BBX: variants seen among roughly 807,000 people sequenced by gnomAD.
BBX encodes the protein BBX high mobility group box domain containing, also known as HMG box transcription factor BBX.
BBX carries 30 observed loss-of-function variants against 100.2 expected under a neutral mutation model. That is an observed-to-expected ratio of 0.30 (90% CI 0.22 to 0.41). The LOEUF (loss-of-function observed/expected upper bound fraction) is 0.41. Ranked by LOEUF, BBX falls within the 10% of genes least tolerant of loss-of-function variation. The pLI is 1.00. For missense variants in BBX, 1,023 were observed against 1,129.8 expected, an observed-to-expected ratio of 0.91 and a Z score of 1.35; for synonymous variants, 376 against 388.1, an observed-to-expected ratio of 0.97 and a Z score of 0.37.
chr3:107,589,522 C>A (rs904537323), intron 2 of BBX, among the ~76,000 whole-genome samples: 1 of 152,132 alleles, frequency 6.6e-6, no homozygotes, highest in Non-Finnish European at 1.5e-5. Flanking sequence ...GAGAAATGAC[C>A]ACTGCTTTCA....
intron 2 of BBX, among the ~76,000 whole-genome samples, chr3:107,576,714 C>T (rs547024497): frequency 3.6e-5 from 5 of 139,246 alleles, no homozygotes; most frequent in South Asian, 2.1e-4. Context: ...ATTGATTGAT[C>T]TATCTATCTA....
chr3:107,572,242 T>TA (rs1237464926), intron 2 of BBX, among the ~76,000 whole-genome samples: 1 of 152,244 alleles, frequency 6.6e-6, no homozygotes, highest in African/African-American at 2.4e-5. Flanking sequence ...TCCCGTCTGC[T>TA]ATATTCACGT....
intron 2 of BBX, among the ~76,000 whole-genome samples, chr3:107,553,063 T>G (rs2049820158): frequency 6.6e-6 from 1 of 152,228 alleles, no homozygotes; most frequent in Non-Finnish European, 1.5e-5. Context: ...GCTAAGGATC[T>G]GCTAAATTTG....
chr3:107,791,342 G>A, intron 15 of BBX, 43 bp downstream of exon 15: 2 of 1,532,600 alleles, frequency 1.3e-6, no homozygotes, highest in Non-Finnish European at 1.8e-6. Flanking sequence ...ATCGGAGCTG[G>A]AAATGACATA....
chr3:107,577,198 A>T (rs2051852708), intron 2 of BBX, among the ~76,000 whole-genome samples: 1 of 152,168 alleles, frequency 6.6e-6, no homozygotes, highest in African/African-American at 2.4e-5. Context: ...TGTAAAGCAC[A>T]TAAAATTTGT....
chr3:107,654,651 A>C (rs1172890538), intron 3 of BBX, among the ~76,000 whole-genome samples: 2 of 152,174 alleles, frequency 1.3e-5, no homozygotes, highest in Non-Finnish European at 2.9e-5. Flanking sequence ...AGACAGATCT[A>C]AATGGATCAC....
At chr3:107,594,743 A>G (rs779919218) in intron 2 of BBX, among the ~76,000 whole-genome samples, 1 of 152,222 alleles carries the variant, frequency 6.6e-6, no homozygotes, top group African/African-American at 2.4e-5. Flanking sequence ...ATATAATAAT[A>G]GCTTAAAAAC....
chr3:107,749,849 G>T (rs2064934527), intron 9 of BBX, among the ~76,000 whole-genome samples: 1 of 152,098 alleles, frequency 6.6e-6, no homozygotes, highest in South Asian at 2.1e-4. Context: ...GGCCAGGCTG[G>T]TCACGAACTC....
chr3:107,665,802 C>T (rs949357047), intron 3 of BBX, among the ~76,000 whole-genome samples: 2 of 152,300 alleles, frequency 1.3e-5, no homozygotes, highest in African/African-American at 4.8e-5. Flanking sequence ...CATGTCTTTT[C>T]TCACACTCTA....
chr3:107,553,869 A>G lies in BBX; in HGVS notation c.-84+27471A>G, dbSNP rs566381866. 1.6e-4 allele frequency among the ~76,000 whole-genome samples: 24 copies of G among 152,216 alleles called. No homozygotes were observed. In the South Asian group the frequency reaches 4.6e-3, roughly 29 times the overall value. On this transcript the variant is annotated intron_variant, in intron 2 of 17. Coordinates refer to ENST00000325805, the MANE Select transcript of BBX (RefSeq NM_001142568.3). ...GTTATTAGATCTTTAATTCCTGAGT[A>G]CTTATTTTCTAGATTTCTAACAATG... is the stretch of plus-strand genomic sequence containing the variant.
At chr3:107,729,001 G>A (rs771891733) in intron 6 of BBX, 41 bp downstream of exon 6, 2 of 1,581,918 alleles carry the variant, frequency 1.3e-6, no homozygotes, top group South Asian at 2.3e-5. Flanking sequence ...TTAAGGACAG[G>A]GCAATACATT....
intron 2 of BBX, among the ~76,000 whole-genome samples, chr3:107,541,287 A>T (rs1448600190): frequency 6.6e-6 from 1 of 152,180 alleles, no homozygotes; most frequent in Non-Finnish European, 1.5e-5. Context: ...TTGTCTAGAG[A>T]GCAGTGCAAA....
At chr3:107,523,858 C>T (rs1298122913) in intron 1 of BBX, among the ~76,000 whole-genome samples, 1 of 152,028 alleles carries the variant, frequency 6.6e-6, no homozygotes, top group Non-Finnish European at 1.5e-5. Flanking sequence ...GCCCTCTCAC[C>T]CCCCACCCCT....
intron 2 of BBX, among the ~76,000 whole-genome samples, chr3:107,534,251 A>G (rs1344989943): frequency 6.6e-6 from 1 of 152,202 alleles, no homozygotes; most frequent in East Asian, 1.9e-4. Context: ...TGATTCTTTT[A>G]ATATTAAAAA....
intron 5 of BBX, among the ~76,000 whole-genome samples, chr3:107,726,207 T>A (rs2107480987): frequency 6.6e-6 from 1 of 152,184 alleles, no homozygotes; most frequent in Middle Eastern, 3.4e-3. Flanking sequence ...TGATTAAGCC[T>A]TTCTACTATT....
At chr3:107,800,966 C>A in intron 16 of BBX, 129 bp from the exon 17 acceptor site, 2 of 879,558 alleles carry the variant, frequency 2.3e-6, no homozygotes, top group Non-Finnish European at 3.5e-6. Flanking sequence ...CCTTAATATT[C>A]GATGGATAGC....
chr3:107,698,677 T>C (rs939371617), intron 3 of BBX, among the ~76,000 whole-genome samples: 3 of 150,374 alleles, frequency 2.0e-5, no homozygotes, highest in Non-Finnish European at 4.4e-5. Context: ...TTCCAAGGGC[T>C]CTGTGTAACC....
chr3:107,710,455 A>T lies in BBX; in HGVS notation c.-6A>T. On this transcript the variant is annotated 5_prime_UTR_variant, in exon 4 of 18. Coordinates refer to ENST00000325805, the MANE Select transcript of BBX (RefSeq NM_001142568.3). Reference sequence around the variant, plus strand: ...TCTCTCTCTCTTCCTATTACAGGTCACAGTAATGAAAGGCAGTAATAGAAA... The same window carrying T: ...TCTCTCTCTCTTCCTATTACAGGTCTCAGTAATGAAAGGCAGTAATAGAAA... 1 of 1,609,290 alleles carries T rather than the reference A, an allele frequency of 6.2e-7. No homozygotes were observed. Among genetic ancestry groups the T allele is most frequent in the Non-Finnish European group, 8.5e-7 (1 of 1,176,954 alleles).
intron 9 of BBX, 44 bp from the exon 10 acceptor site, chr3:107,755,554 G>C: frequency 6.5e-7 from 1 of 1,531,948 alleles, no homozygotes; most frequent in Non-Finnish European, 9.0e-7. Flanking sequence ...CAAAGATTCT[G>C]GTATCACAAC....
Sources: allele counts gnomAD v4.1 joint callset (sites outside exome capture counted in the v4.1 genomes callset), GRCh38; gene constraint gnomAD v4.1.1; transcripts MANE v1.5; gene names NCBI Gene and HGNC (gene_info 2026-07-23, HGNC 2026-07-21).